The following NEDD1 variants were observed in gnomAD, a reference collection of about 807,000 sequenced individuals.
The protein encoded by NEDD1 is protein NEDD1.
Under a neutral mutation model 74.0 loss-of-function variants are expected in NEDD1, and 33 were observed. The ratio of observed to expected loss-of-function variants is 0.45; its 90% CI spans 0.34 to 0.60. The LOEUF is 0.60. Among genes scored for constraint, NEDD1 ranks in the 20% least tolerant of loss-of-function variants. The probability of loss-of-function intolerance (pLI) is 0.01; values close to 1 mark genes in which losing one functional copy is unlikely to be tolerated. For missense variants in NEDD1, 746 were observed against 776.5 expected (o/e 0.96, Z 0.47); for synonymous variants, 250 against 264.4 (o/e 0.95, Z 0.53).
intron 1 of NEDD1, 61 bp downstream of exon 1, chr12:96,907,361 C>G (rs1873420735): frequency 7.1e-6 from 3 of 421,534 alleles, no homozygotes; most frequent in South Asian, 5.2e-5. Flanking sequence ...CGCACCCTCC[C>G]GATCCTAAGA....
chr12:96,937,063 C>G (rs2136590112), intron 8 of NEDD1, 135 bp from the exon 9 acceptor site: 1 of 519,348 alleles, frequency 1.9e-6, no homozygotes, highest in South Asian at 5.1e-5. Flanking sequence ...TAGAGGGAAA[C>G]TCAGGTCTGC....
At chr12:96,929,556 TACACACACACACACAC>T (rs71078436) in intron 6 of NEDD1, among the ~76,000 whole-genome samples, 35,212 of 127,708 alleles carry the variant, frequency 0.28, 4,959 homozygotes, top group South Asian at 0.47. Context: ...TTTTCATGTA[TACACACACACACACAC>T]ACACACACAC....
intron 6 of NEDD1, among the ~76,000 whole-genome samples, chr12:96,930,205 A>ACT (rs1565799004): frequency 2.0e-4 from 15 of 76,514 alleles, no homozygotes; most frequent in African/African-American, 5.3e-4. Context: ...ACACACACAC[A>ACT]CACACACTCT....
intron 15 of NEDD1, 106 bp from the exon 16 acceptor site, chr12:96,951,843 A>G (rs1301463797): frequency 4.7e-6 from 3 of 641,502 alleles, no homozygotes; most frequent in Non-Finnish European, 8.2e-6. Flanking sequence ...TCATTCACCT[A>G]GTTAATTGAA....
intron 13 of NEDD1, 40 bp downstream of exon 13, chr12:96,944,835 T>C (rs1416390213): frequency 1.4e-6 from 2 of 1,409,570 alleles, no homozygotes; most frequent in South Asian, 1.5e-5. Flanking sequence ...AAGTGTTTGA[T>C]TGAAAAATCA....
chr12:96,930,494 T>G (rs1479164064), intron 6 of NEDD1, among the ~76,000 whole-genome samples: 2 of 152,062 alleles, frequency 1.3e-5, no homozygotes, highest in African/African-American at 2.4e-5. Flanking sequence ...TGACAACATA[T>G]ATGAAATGTT....
intron 9 of NEDD1, among the ~76,000 whole-genome samples, chr12:96,938,445 TAAAC>T (rs982954541): frequency 1.2e-4 from 19 of 152,066 alleles, no homozygotes; most frequent in African/African-American, 2.9e-4. Context: ...TTTCAAAAAT[TAAAC>T]AAAATAAAGA....
intron 2 of NEDD1, 62 bp from the exon 3 acceptor site, chr12:96,909,690 C>CT: frequency 1.4e-6 from 2 of 1,387,528 alleles, no homozygotes; most frequent in Non-Finnish European, 1.0e-6. Flanking sequence ...AGATTTTGAC[C>CT]TTTTTTTGAG....
At position 96,907,269 on chromosome 12, in the gene NEDD1, G is replaced by A; in HGVS notation, c.-293G>A. 8.2e-6 allele frequency: 2 copies of A among 244,894 alleles called. No individual in the cohort carries two copies. Among genetic ancestry groups the A allele is most frequent in the Non-Finnish European group, 1.5e-5 (2 of 129,196 alleles). 15.2% of individuals were successfully genotyped at this position (244,894 alleles called of 1,614,324 possible). On this transcript the variant is annotated 5_prime_UTR_variant, in exon 1 of 16. Coordinates refer to ENST00000266742, the MANE Select transcript of NEDD1 (RefSeq NM_152905.4). ...GAGCCGGAAGCCCAGCGCGGAGCCGGCCGCGGCCCCCTGTTGTGTTGCTGC... is the reference window on the plus strand; with the variant it reads ...GAGCCGGAAGCCCAGCGCGGAGCCGACCGCGGCCCCCTGTTGTGTTGCTGC...
chr12:96,934,849 C>T, intron 6 of NEDD1, 127 bp from the exon 7 acceptor site: 1 of 673,370 alleles, frequency 1.5e-6, no homozygotes, highest in South Asian at 1.8e-5. Context: ...AAACCTGTCA[C>T]TCTTACACAT....
intron 6 of NEDD1, among the ~76,000 whole-genome samples, chr12:96,930,366 C>G (rs1177129956): frequency 6.6e-6 from 1 of 152,004 alleles, no homozygotes; most frequent in Non-Finnish European, 1.5e-5. Context: ...TGAAAGAATA[C>G]AAAGCAAAAC....
rs1331225874 is a variant in NEDD1 at position 96,940,432 on chromosome 12, G to A, written c.1141G>A (p.Asp381Asn). ...KAGLPRSINT[D>N]TLSKETDSGK... ...AGGTTTGCCTCGAAGCATAAACACA[G>A]ACACTTTATCTAAGGAAACAGACAG... Residue 381 changes from aspartate to asparagine, a missense_variant, in exon 10 of 16, where the codon GAC (aspartate) becomes AAC (asparagine). By Grantham distance (23) the Asp-to-Asn change is conservative. Around this residue, in one of 3 missense-constraint regions of NEDD1, gnomAD observed 706 missense variants for 706.7 expected, o/e 1.00. Coordinates refer to ENST00000266742, the MANE Select transcript of NEDD1 (RefSeq NM_152905.4). 6.3e-7 allele frequency: 1 copy of A among 1,598,134 alleles called. No individual in the cohort carries two copies. The highest frequency in any genetic ancestry group is 8.6e-7 in the Non-Finnish European group (1 of 1,166,994).
At chr12:96,945,140 AGTTT>A (rs1353490849) in intron 13 of NEDD1, among the ~76,000 whole-genome samples, 1 of 152,010 alleles carries the variant, frequency 6.6e-6, no homozygotes, top group Non-Finnish European at 1.5e-5. Flanking sequence ...TTATCCTTAG[AGTTT>A]GTGCTGCAGA....
chr12:96,926,974 GA>G (rs1165418250), intron 6 of NEDD1, among the ~76,000 whole-genome samples: 84 of 119,008 alleles, frequency 7.1e-4, no homozygotes, highest in African/African-American at 8.8e-4. Flanking sequence ...GTGACAGAGC[GA>G]AAAAAAAAAA....
intron 9 of NEDD1, 22 bp from the exon 10 acceptor site, chr12:96,940,387 T>C (rs756230115): frequency 4.1e-6 from 6 of 1,478,154 alleles, no homozygotes; most frequent in Non-Finnish European, 5.6e-6. Context: ...TAACATTGAT[T>C]TTTATATCTA....
chr12:96,926,980 A>C (rs905749798), intron 6 of NEDD1, among the ~76,000 whole-genome samples: 1 of 88,224 alleles, frequency 1.1e-5, no homozygotes, highest in Non-Finnish European at 2.3e-5. Context: ...GAGCGAAAAA[A>C]AAAAAAATTG....
intron 4 of NEDD1, among the ~76,000 whole-genome samples, chr12:96,913,462 C>T (rs1479033094): frequency 6.6e-6 from 1 of 152,036 alleles, no homozygotes; most frequent in Admixed American, 6.6e-5. Flanking sequence ...CAACCTCCGC[C>T]TCCCCAGTTC....
intron 6 of NEDD1, among the ~76,000 whole-genome samples, chr12:96,934,369 A>C (rs1876864282): frequency 6.6e-6 from 1 of 152,120 alleles, no homozygotes; most frequent in Admixed American, 6.5e-5. Context: ...ATACTCCAAG[A>C]TAATAAAATG....
At chr12:96,934,605 T>G (rs1168787935) in intron 6 of NEDD1, among the ~76,000 whole-genome samples, 5 of 152,012 alleles carry the variant, frequency 3.3e-5, no homozygotes, top group African/African-American at 7.3e-5. Flanking sequence ...TAGTGTGATC[T>G]TGGCTCACTG....
Sources: allele counts gnomAD v4.1 joint callset (sites outside exome capture counted in the v4.1 genomes callset), GRCh38; gene constraint gnomAD v4.1.1; regional missense constraint gnomAD v4.1.1; transcripts MANE v1.5; gene names NCBI Gene and HGNC (gene_info 2026-07-23, HGNC 2026-07-21).